Variants in KCNMB4 observed in about 807,000 individuals in gnomAD.
KCNMB4 encodes the protein calcium-activated potassium channel subunit beta-4.
In KCNMB4, 3 loss-of-function variants were observed where a neutral mutation model predicts 20.7. The observed-to-expected ratio is 0.14, with a 90% CI of 0.07 to 0.37. The LOEUF is 0.37. Among genes scored for constraint, KCNMB4 ranks in the 10% least tolerant of loss-of-function variants. The pLI, the probability that KCNMB4 is intolerant of heterozygous loss-of-function variation, is 1.00. For synonymous variants in KCNMB4, 110 were observed against 113.4 expected, an observed-to-expected ratio of 0.97 and a Z score of 0.19; for missense variants, 168 against 265.9, an observed-to-expected ratio of 0.63 and a Z score of 2.56.
At chr12:70,377,497 G>A (rs889320046) in intron 1 of KCNMB4, among the ~76,000 whole-genome samples, 6 of 152,146 alleles carry the variant, frequency 3.9e-5, no homozygotes, top group African/African-American at 1.4e-4. Context: ...TAATCATTTT[G>A]CGGGTGGAGG....
At chr12:70,382,987 A>G (rs1339960947) in intron 1 of KCNMB4, among the ~76,000 whole-genome samples, 12 of 152,228 alleles carry the variant, frequency 7.9e-5, no homozygotes, top group Admixed American at 7.2e-4. Context: ...AACCTGTACT[A>G]TGAGTGTACT....
intron 1 of KCNMB4, among the ~76,000 whole-genome samples, chr12:70,382,946 A>G (rs1883820480): frequency 6.6e-6 from 1 of 152,250 alleles, no homozygotes; most frequent in Non-Finnish European, 1.5e-5. Context: ...CACCCAGGCT[A>G]TATGATATAG....
chr12:70,377,193 T>TG (rs1407282560), intron 1 of KCNMB4, among the ~76,000 whole-genome samples: 2 of 152,064 alleles, frequency 1.3e-5, no homozygotes, highest in African/African-American at 4.8e-5. Flanking sequence ...CACACGGAAA[T>TG]GCAAGAGAAC....
At chr12:70,376,147 A>G (rs1319798581) in intron 1 of KCNMB4, among the ~76,000 whole-genome samples, 3 of 97,116 alleles carry the variant, frequency 3.1e-5, no homozygotes, top group Non-Finnish European at 5.8e-5. Flanking sequence ...CAATCCTTTC[A>G]TGATAAAAAA....
chr12:70,431,523 T>G lies in KCNMB4; in HGVS notation c.*870T>G, dbSNP rs923737365. 3 of 149,852 alleles carry G rather than the reference T, an allele frequency of 2.0e-5. No homozygotes were observed. The highest frequency in any genetic ancestry group is 7.4e-5 in the African/African-American group (3 of 40,648). 9.3% of individuals were successfully genotyped at this position (149,852 alleles called of 1,614,324 possible). A position where few individuals can be genotyped will look rare whatever the true frequency, so the allele number is the denominator to read the frequency against. ...CTGTTTTCATTTTTTTTTTTTTTTG[T>G]AGGTCAGAAAAAAACAACAAAATCA... On this transcript the variant is annotated 3_prime_UTR_variant, in exon 3 of 3. Coordinates refer to ENST00000258111, the MANE Select transcript of KCNMB4 (RefSeq NM_014505.6).
chr12:70,385,692 T>A, intron 1 of KCNMB4, among the ~76,000 whole-genome samples: 1 of 152,032 alleles, frequency 6.6e-6, no homozygotes, highest in East Asian at 1.9e-4. Flanking sequence ...GAAACAAAAA[T>A]GAGGAAACAA....
chr12:70,428,549 G>C (rs192869276), intron 2 of KCNMB4, among the ~76,000 whole-genome samples: 3 of 152,128 alleles, frequency 2.0e-5, no homozygotes, highest in African/African-American at 7.2e-5. Context: ...TGCTGGGATG[G>C]GGATTTCAGA....
chr12:70,389,174 A>T (rs1022994752), intron 1 of KCNMB4, among the ~76,000 whole-genome samples: 1 of 152,072 alleles, frequency 6.6e-6, no homozygotes, highest in Admixed American at 6.6e-5. Context: ...TGAGTGCTCA[A>T]CTTACTTTAA....
intron 1 of KCNMB4, among the ~76,000 whole-genome samples, chr12:70,381,501 G>A (rs1301378405): frequency 1.3e-5 from 2 of 152,156 alleles, no homozygotes; most frequent in Non-Finnish European, 2.9e-5. Context: ...CTGATGAATG[G>A]ATAAATGAAA....
At chr12:70,401,372 A>G (rs1380370108) in intron 2 of KCNMB4, among the ~76,000 whole-genome samples, 3 of 145,358 alleles carry the variant, frequency 2.1e-5, no homozygotes, top group South Asian at 2.1e-4. Flanking sequence ...CTGCCTCCCC[A>G]CTATCACTGT....
chr12:70,380,037 T>C (rs1440120361), intron 1 of KCNMB4, among the ~76,000 whole-genome samples: 1 of 152,258 alleles, frequency 6.6e-6, no homozygotes, highest in East Asian at 1.9e-4. Flanking sequence ...GAGGCCTACC[T>C]TTCAGCCTGT....
chr12:70,405,087 A>G (rs1868561828), intron 2 of KCNMB4, among the ~76,000 whole-genome samples: 1 of 152,230 alleles, frequency 6.6e-6, no homozygotes, highest in African/African-American at 2.4e-5. Flanking sequence ...TTAGTCAAGA[A>G]GAAGATAATT....
intron 2 of KCNMB4, chr12:70,422,654 G>T: frequency 1.6e-6 from 2 of 1,260,920 alleles, no homozygotes; most frequent in Non-Finnish European, 2.1e-6. Context: ...TTCATTCGTT[G>T]ATTTGCCTTT....
rs186516465 is a variant in KCNMB4, at chr12:70,424,606, C to T, written c.465-5879C>T. Reference sequence around the variant, plus strand: ...CTCTACTAAACGTACAAAAATTAGCCGGATGTGGTGGCACACGCCTGTAAT... The same window carrying T: ...CTCTACTAAACGTACAAAAATTAGCTGGATGTGGTGGCACACGCCTGTAAT... On this transcript the variant is annotated intron_variant, in intron 2 of 2. Coordinates refer to ENST00000258111, the MANE Select transcript of KCNMB4 (RefSeq NM_014505.6). Among the ~76,000 whole-genome samples the T allele has an allele frequency of 2.7e-3, 408 of 151,838 alleles. 2 individuals carry two copies. Among genetic ancestry groups the T allele is most frequent in the African/African-American group, 9.4e-3 (390 of 41,408 alleles).
intron 1 of KCNMB4, among the ~76,000 whole-genome samples, chr12:70,397,791 C>T (rs184701790): frequency 5.8e-4 from 89 of 152,278 alleles, no homozygotes; most frequent in African/African-American, 1.9e-3. Flanking sequence ...GTTTTGATTA[C>T]ATGTGGTTAT....
intron 1 of KCNMB4, among the ~76,000 whole-genome samples, chr12:70,383,807 G>A (rs542856453): frequency 1.3e-4 from 20 of 152,136 alleles, no homozygotes; most frequent in Non-Finnish European, 2.8e-4. Context: ...GGTGGCTTAC[G>A]CCTGTAATCC....
chr12:70,428,269 C>G (rs1253488871), intron 2 of KCNMB4, among the ~76,000 whole-genome samples: 4 of 152,234 alleles, frequency 2.6e-5, no homozygotes, highest in African/African-American at 4.8e-5. Context: ...GCTGGGATTA[C>G]AGGCATGAGC....
chr12:70,399,987 A>C (rs1025829756), intron 1 of KCNMB4, among the ~76,000 whole-genome samples: 7 of 152,098 alleles, frequency 4.6e-5, no homozygotes, highest in Non-Finnish European at 7.4e-5. Flanking sequence ...TAATGACTGA[A>C]GTTTATTTTT....
chr12:70,392,854 A>G (rs1408896577), intron 1 of KCNMB4, among the ~76,000 whole-genome samples: 1 of 152,188 alleles, frequency 6.6e-6, no homozygotes, highest in Non-Finnish European at 1.5e-5. Flanking sequence ...CTCGGGGAGA[A>G]ATAGCATTAG....
Sources: allele counts gnomAD v4.1 joint callset (sites outside exome capture counted in the v4.1 genomes callset), GRCh38; gene constraint gnomAD v4.1.1; transcripts MANE v1.5; gene names NCBI Gene and HGNC (gene_info 2026-07-23, HGNC 2026-07-21).